Variants in PTPRK observed in about 807,000 individuals in gnomAD.
The protein encoded by PTPRK is protein tyrosine phosphatase receptor type K, also known as receptor-type tyrosine-protein phosphatase kappa.
Under a neutral mutation model 178.0 loss-of-function variants are expected in PTPRK, and 75 were observed. That is an observed-to-expected ratio of 0.42 (90% confidence interval 0.35 to 0.51). PTPRK has a LOEUF of 0.51. Among genes scored for constraint, PTPRK ranks in the 20% least tolerant of loss-of-function variants. The pLI, the probability that PTPRK is intolerant of heterozygous loss-of-function variation, is 0.02. For synonymous variants in PTPRK, 637 were observed against 620.6 expected (o/e 1.03, Z -0.39); for missense variants, 1,441 against 1,797.8 (o/e 0.80, Z 3.59).
In PTPRK at chr6:128,464,638, C is replaced by CACATATATATAT. The variant is rs1164450520; in HGVS notation, c.100+55620_100+55621insATATATATATGT. Among the ~76,000 whole-genome samples the CACATATATATAT allele has an allele frequency of 6.4e-3, 311 of 48,574 alleles. 5 individuals carry two copies. The highest frequency in any genetic ancestry group is 7.3e-3 in the African/African-American group (77 of 10,580). The allele number at this position is 48,574 out of a possible 152,430, so 31.9% of individuals were successfully genotyped here. A position where few individuals can be genotyped will look rare whatever the true frequency, so the allele number is the denominator to read the frequency against. On this transcript the variant is annotated intron_variant, in intron 1 of 29. Coordinates refer to ENST00000368226, the MANE Select transcript of PTPRK (RefSeq NM_002844.4). The stretch of plus-strand genomic sequence containing the variant: ...ACATATACATATATATATATATACA[C>CACATATATATAT]ATATATATATATATATATATATATA...
chr6:128,169,899 T>C lies in PTPRK; in HGVS notation c.1162+14533A>G, dbSNP rs936130587. Among the ~76,000 whole-genome samples the C allele has an allele frequency of 3.3e-5, 5 of 151,936 alleles. No homozygotes were observed. The East Asian group carries it at 9.7e-4, about 30-fold the overall frequency. On this transcript the variant is annotated intron_variant, in intron 7 of 29. Transcript: ENST00000368226. ...ATAAACACCAGGCACTTTCCAGAAC[T>C]ATATGGGATAATACAGTTTACTTTT...
rs771381929 is a variant in PTPRK, at chr6:127,996,893, G to C, written c.2767+8C>G. On this transcript the variant is annotated splice_region_variant and intron_variant, in intron 17 of 29. Coordinates refer to ENST00000368226, the MANE Select transcript of PTPRK (RefSeq NM_002844.4). ...TTTACATTCACCAAGAATTGAATGG[G>C]AACTTACATGCTATAATGTTTCCAT... 8 of 1,606,984 alleles carry C rather than the reference G, an allele frequency of 5.0e-6. No homozygotes were observed. The South Asian group carries it at 7.8e-5, about 16-fold the overall frequency.
chr6:128,445,092 C>T (rs546318908), intron 1 of PTPRK, among the ~76,000 whole-genome samples: 72 of 150,890 alleles, frequency 4.8e-4, no homozygotes, highest in African/African-American at 1.6e-3. Context: ...GGGCCAGGTG[C>T]GGTAGCTCAT....
intron 14 of PTPRK, among the ~76,000 whole-genome samples, chr6:128,005,490 T>C (rs1285508148): frequency 1.3e-5 from 2 of 151,408 alleles, no homozygotes; most frequent in Non-Finnish European, 3.0e-5. Context: ...TCTCTCATCA[T>C]TTCCTGTTCT....
At chr6:128,456,374 T>G (rs1338050689) in intron 1 of PTPRK, among the ~76,000 whole-genome samples, 1 of 151,934 alleles carries the variant, frequency 6.6e-6, no homozygotes, top group Non-Finnish European at 1.5e-5. Flanking sequence ...AACAAAAAAG[T>G]ATCAGAAATA....
rs114116564 is a variant in PTPRK, at chr6:128,143,722, C to A, written c.1162+40710G>T. ...CCCCTGTCCTCACTTCACTCTTTAT[C>A]CAGCTTAGATTCCAAGTGAATCATT... On this transcript the variant is annotated intron_variant, in intron 7 of 29. Transcript: ENST00000368226. 4.3e-3 allele frequency among the ~76,000 whole-genome samples: 662 copies of A among 152,230 alleles called. 3 individuals are homozygous for A. The highest frequency in any genetic ancestry group is 0.015 in the African/African-American group (627 of 41,548).
At chr6:128,464,638 C>CACACATATATATATATATATAT (rs1164450520) in intron 1 of PTPRK, among the ~76,000 whole-genome samples, 1 of 48,602 alleles carries the variant, frequency 2.1e-5, no homozygotes, top group Non-Finnish European at 3.5e-5. Context: ...TATATATACA[C>CACACATATATATATATATATAT]ATATATATAT....
intron 1 of PTPRK, chr6:128,491,783 T>C (rs1199435065): frequency 1.9e-6 from 1 of 518,436 alleles, no homozygotes; most frequent in Non-Finnish European, 3.8e-6. Context: ...GCGTGATAGA[T>C]GGCGAATGGA....
chr6:128,398,682 T>C (rs147105258), intron 1 of PTPRK, among the ~76,000 whole-genome samples: 1 of 152,372 alleles, frequency 6.6e-6, no homozygotes, highest in East Asian at 1.9e-4. Flanking sequence ...AGGTCTGTGA[T>C]ATCTTTCATG....
intron 8 of PTPRK, 34 bp downstream of exon 8, chr6:128,089,656 T>A (rs373919805): frequency 5.8e-6 from 9 of 1,538,988 alleles, no homozygotes; most frequent in Non-Finnish European, 8.1e-6. Context: ...TGTTAGAGAA[T>A]TCCCCCCTTT....
In PTPRK at chr6:128,402,296, C is replaced by T. The variant is rs151146970; in HGVS notation, c.101-4608G>A. Among the ~76,000 whole-genome samples, 312 of 152,262 alleles carry T rather than the reference C, an allele frequency of 2.0e-3. 1 individual carries two copies. The highest frequency in any genetic ancestry group is 7.1e-3 in the African/African-American group (296 of 41,550). ...GTTTAGAGATGGAGTCTCACTCTGT[C>T]GCCCAGGCTAGAGTGCAGTGGCGCG... On this transcript the variant is annotated intron_variant, in intron 1 of 29. Coordinates refer to ENST00000368226, the MANE Select transcript of PTPRK (RefSeq NM_002844.4).
chr6:128,476,734 T>C (rs1584898638), intron 1 of PTPRK, among the ~76,000 whole-genome samples: 1 of 152,136 alleles, frequency 6.6e-6, no homozygotes, highest in African/African-American at 2.4e-5. Flanking sequence ...CATTTTGGTT[T>C]GATTCAGCAA....
At chr6:128,300,731 G>A (rs1324757781) in intron 3 of PTPRK, among the ~76,000 whole-genome samples, 3 of 144,638 alleles carry the variant, frequency 2.1e-5, no homozygotes, top group East Asian at 4.7e-4. Context: ...GAGGGGGGAC[G>A]GATAGCTTTA....
intron 2 of PTPRK, among the ~76,000 whole-genome samples, chr6:128,335,014 G>A (rs1830733061): frequency 1.3e-5 from 2 of 152,202 alleles, no homozygotes; most frequent in African/African-American, 2.4e-5. Flanking sequence ...TTTGAACCCA[G>A]GAGGCGAAGT....
chr6:128,218,807 T>C (rs1395504643), intron 6 of PTPRK, 115 bp downstream of exon 6: 5 of 947,232 alleles, frequency 5.3e-6, no homozygotes, highest in African/African-American at 3.3e-5. Flanking sequence ...ATATTTTTTA[T>C]AGTGACTTGA....
chr6:128,284,512 G>A (rs959658614), intron 3 of PTPRK, among the ~76,000 whole-genome samples: 3 of 152,146 alleles, frequency 2.0e-5, no homozygotes, highest in Non-Finnish European at 4.4e-5. Flanking sequence ...TGCTTCAAAT[G>A]TTCACTCAAT....
chr6:128,307,744 T>C (rs1826642547), intron 3 of PTPRK, among the ~76,000 whole-genome samples: 1 of 152,060 alleles, frequency 6.6e-6, no homozygotes, highest in Non-Finnish European at 1.5e-5. Context: ...AAATTCAAAT[T>C]TGGACCACAA....
At chr6:128,022,884 C>A (rs543813491) in intron 13 of PTPRK, among the ~76,000 whole-genome samples, 1 of 152,288 alleles carries the variant, frequency 6.6e-6, no homozygotes, top group South Asian at 2.1e-4. Flanking sequence ...AAATTGTGTT[C>A]TCTATCAAGT....
chr6:128,044,687 C>T (rs773401569), intron 13 of PTPRK, among the ~76,000 whole-genome samples: 2 of 151,906 alleles, frequency 1.3e-5, no homozygotes, highest in Non-Finnish European at 1.5e-5. Flanking sequence ...GAAACATCAA[C>T]TCAGTGAGGA....
Sources: allele counts gnomAD v4.1 joint callset (sites outside exome capture counted in the v4.1 genomes callset), GRCh38; gene constraint gnomAD v4.1.1; transcripts MANE v1.5; gene names NCBI Gene and HGNC (gene_info 2026-07-23, HGNC 2026-07-21).